TLE6: variants seen among roughly 807,000 people sequenced by gnomAD.
TLE6 encodes TLE family member 6, subcortical maternal complex member.
TLE6 carries 72 observed loss-of-function variants against 77.1 expected under a neutral mutation model. The ratio of observed to expected loss-of-function variants is 0.93; its 90% CI spans 0.77 to 1.14. The LOEUF (loss-of-function observed/expected upper bound fraction) is 1.14. Ranked by LOEUF, TLE6 falls within the 50% of genes most tolerant of loss-of-function variation. TLE6 has a pLI of 0.00. For missense variants in TLE6, 843 were observed against 747.6 expected, an observed-to-expected ratio of 1.13 and a Z score of -1.49; for synonymous variants, 366 against 287.3, an observed-to-expected ratio of 1.27 and a Z score of -2.77.
Position 2,995,047 on chromosome 19 carries a change from C to A in TLE6, c.*43C>A. ...ATCCCACTCCGGCTCCTCTTTTCAT[C>A]CCCCCCCTTCCCCCCCCCCAACAAG... On this transcript the variant is annotated 3_prime_UTR_variant, in exon 17 of 17. Coordinates refer to ENST00000246112, the MANE Select transcript of TLE6 (RefSeq NM_001143986.2). 2 of 977,100 alleles carry A rather than the reference C, an allele frequency of 2.0e-6. No individual in the cohort carries two copies. The highest frequency in any genetic ancestry group is 2.9e-6 in the Non-Finnish European group (2 of 696,408). The allele number at this position is 977,100 out of a possible 1,614,324, so 60.5% of individuals were successfully genotyped here.
Position 2,989,309 on chromosome 19 carries a change from T to G in TLE6, c.989T>G (p.Ile330Arg). ...AGGTTCCCTGAGAGCCACCTGCCTA[T>G]ACAGGTGAGGACGGCCTTGGTTTCC... ...EDRFPESHLP[I>R]QTPGAFLRTC... The change falls in exon 12 of 17, where the codon ATA becomes AGA. Residue 330 changes from isoleucine to arginine, a missense_variant. Ile to Arg is a moderately conservative substitution (Grantham distance 97, BLOSUM62 -3). Transcript: ENST00000246112. The G allele has an allele frequency of 6.2e-7, 1 of 1,613,164 alleles. No homozygotes were observed. Among genetic ancestry groups the G allele is most frequent in the Non-Finnish European group, 8.5e-7 (1 of 1,180,006 alleles).
rs545608571 is a variant in TLE6, at chr19:2,989,323, G to A, written c.993+10G>A. On this transcript the variant is annotated intron_variant, in intron 12 of 16. Transcript: ENST00000246112. ...CCACCTGCCTATACAGGTGAGGACG[G>A]CCTTGGTTTCCAGGGATGCAGGGCT... is the stretch of plus-strand genomic sequence containing the variant. The A allele has an allele frequency of 1.7e-5, 28 of 1,610,770 alleles. 1 individual carries two copies. The South Asian group carries it at 2.7e-4, about 16-fold the overall frequency.
chr19:2,989,860 C>G, intron 13 of TLE6, 75 bp downstream of exon 13: 1 of 1,565,100 alleles, frequency 6.4e-7, no homozygotes, highest in Non-Finnish European at 8.7e-7. Flanking sequence ...CTTACTGCTA[C>G]CACCTCTGCC....
intron 5 of TLE6, among the ~76,000 whole-genome samples, 199 bp from the exon 6 acceptor site, chr19:2,986,630 C>G (rs990872665): frequency 1.3e-5 from 2 of 152,092 alleles, no homozygotes; most frequent in African/African-American, 4.8e-5. Context: ...AGGAGAACCA[C>G]TTGAACCTGG....
chr19:2,985,834 G>A (rs1212387162), intron 5 of TLE6, among the ~76,000 whole-genome samples: 5 of 150,992 alleles, frequency 3.3e-5, no homozygotes, highest in African/African-American at 7.3e-5. Context: ...CCAGCACTTT[G>A]GGAGGCCAAG....
chr19:2,980,164 G>T lies in TLE6; in HGVS notation c.116G>T (p.Arg39Leu), dbSNP rs929618970. ...PTLNYQGILN[R>L]LKQFPRFSPH... ...CTGAATTATCAGGGCATTCTAAATC[G>T]GCTCAAGCAGTTCCCCAGGTGAGAG... Residue 39 changes from arginine to leucine, a missense_variant, in exon 3 of 17, where the codon CGG (arginine) becomes CTG (leucine). Arg to Leu is a moderately radical substitution (Grantham distance 102). Transcript: ENST00000246112. The T allele has an allele frequency of 1.9e-6, 3 of 1,547,782 alleles. No individual in the cohort carries two copies. Among genetic ancestry groups the T allele is most frequent in the African/African-American group, 2.7e-5 (2 of 72,910 alleles).
At position 2,980,164 on chromosome 19, in the gene TLE6, G is replaced by C; in HGVS notation, c.116G>C (p.Arg39Pro). 6.5e-7 allele frequency: 1 copy of C among 1,547,782 alleles called. No individual in the cohort carries two copies. The highest frequency in any genetic ancestry group is 8.7e-7 in the Non-Finnish European group (1 of 1,144,634). Reference sequence around the variant, plus strand: ...CTGAATTATCAGGGCATTCTAAATCGGCTCAAGCAGTTCCCCAGGTGAGAG... The same window carrying C: ...CTGAATTATCAGGGCATTCTAAATCCGCTCAAGCAGTTCCCCAGGTGAGAG... ...PTLNYQGILN[R>P]LKQFPRFSPH... is the part of the protein sequence containing the mutation. The change falls in exon 3 of 17, where the codon CGG becomes CCG. Residue 39 changes from arginine (R) to proline (P), a missense_variant. By Grantham distance (103) the Arg-to-Pro change is moderately radical. Transcript: ENST00000246112.
chr19:2,989,816 C>G (rs1448506406), intron 13 of TLE6, 31 bp downstream of exon 13: 1 of 1,607,050 alleles, frequency 6.2e-7, no homozygotes, highest in Non-Finnish European at 8.5e-7. Context: ...GGGGAAGCAT[C>G]CTGTGCCAGC....
At chr19:2,980,050 G>C (rs2088765467) in intron 2 of TLE6, 50 bp from the exon 3 acceptor site, 2 of 1,457,288 alleles carry the variant, frequency 1.4e-6, no homozygotes, top group African/African-American at 1.4e-5. Flanking sequence ...CGGGGGTCTT[G>C]GGTGTTGGAG....
At chr19:2,993,354 G>A (rs1456903900) in intron 14 of TLE6, 78 bp from the exon 15 acceptor site, 1 of 1,481,046 alleles carries the variant, frequency 6.8e-7, no homozygotes, top group African/African-American at 1.4e-5. Flanking sequence ...TCCAGGATAG[G>A]TCCCCAGGCT....
intron 16 of TLE6, among the ~76,000 whole-genome samples, chr19:2,994,502 T>C (rs1008690875): frequency 2.6e-5 from 4 of 151,978 alleles, no homozygotes; most frequent in East Asian, 1.9e-4. Flanking sequence ...CCCAGCTACT[T>C]GGGAGGCTGA....
rs544176278 is a variant in TLE6, at chr19:2,978,992, C to A, written c.51+708C>A. 2.6e-5 allele frequency among the ~76,000 whole-genome samples: 4 copies of A among 152,250 alleles called. No homozygotes were observed. In the East Asian group the frequency reaches 7.7e-4, roughly 29 times the overall value. On this transcript the variant is annotated intron_variant, in intron 2 of 16. Coordinates refer to ENST00000246112, the MANE Select transcript of TLE6 (RefSeq NM_001143986.2). ...TGTTTGAGACGGAGTCTCACACTCA[C>A]CTCGGCTGGAATGCAATGGCGCAAT...
intron 2 of TLE6, among the ~76,000 whole-genome samples, chr19:2,979,434 A>G (rs1025853962): frequency 1.3e-5 from 2 of 151,192 alleles, no homozygotes; most frequent in Non-Finnish European, 2.9e-5. Flanking sequence ...TTCAGTAGAG[A>G]CGGGGTTTTG....
rs776837519 is a variant in TLE6 at position 2,987,040 on chromosome 19, C to G, written c.343C>G (p.Leu115Val). ...GCCCCAGCAGGTGAAGGACAAGACC[C>G]TGCAGGAGTCGAGCTTTGAGGACAT... ...GTPQQVKDKT[L>V]QESSFEDIMA... is the part of the protein sequence containing the mutation. The change falls in exon 7 of 17, where the codon CTG becomes GTG. Residue 115 changes from leucine to valine, a missense_variant. By Grantham distance (32) the Leu-to-Val change is conservative. Transcript: ENST00000246112. The G allele has an allele frequency of 1.2e-5, 20 of 1,614,096 alleles. No homozygotes were observed. Among genetic ancestry groups the G allele is most frequent in the Non-Finnish European group, 1.6e-5 (19 of 1,179,958 alleles).
Position 2,987,247 on chromosome 19 carries a change from C to A in TLE6, c.541+9C>A, listed in dbSNP as rs2088934337. ...AAAGCCCAGAGACAGACGTGAGTGT[C>A]CCTGAGGGTGAGGGGGAAGGGGCAG... On this transcript the variant is annotated intron_variant, in intron 7 of 16. Transcript: ENST00000246112. The A allele has an allele frequency of 6.2e-7, 1 of 1,614,106 alleles. No homozygotes were observed. Among genetic ancestry groups the A allele is most frequent in the Non-Finnish European group, 8.5e-7 (1 of 1,179,970 alleles).
At chr19:2,988,832 G>A (rs943122486) in intron 11 of TLE6, 23 of 618,680 alleles carry the variant, frequency 3.7e-5, no homozygotes, top group Admixed American at 6.0e-5. Context: ...CTTCCTCCTG[G>A]GGCAAAGCAG....
chr19:2,980,317 TACCCAGCATGGAGA>T (rs1398344617), intron 3 of TLE6, 135 bp downstream of exon 3: 2 of 607,098 alleles, frequency 3.3e-6, no homozygotes, highest in Non-Finnish European at 5.6e-6. Flanking sequence ...GCCATGCAGA[TACCCAGCATGGAGA>T]ACCCGGCAAT....
At chr19:2,982,969 G>C (rs543162492) in intron 5 of TLE6, among the ~76,000 whole-genome samples, 2 of 152,188 alleles carry the variant, frequency 1.3e-5, no homozygotes, top group Non-Finnish European at 2.9e-5. Flanking sequence ...GGGGGCGCCC[G>C]GGCTCCCATC....
intron 5 of TLE6, 60 bp downstream of exon 5, chr19:2,982,249 A>T: frequency 6.5e-7 from 1 of 1,537,322 alleles, no homozygotes; most frequent in South Asian, 1.2e-5. Flanking sequence ...GAGAAAGCAC[A>T]GAGGGGGGCC....
Sources: allele counts gnomAD v4.1 joint callset (sites outside exome capture counted in the v4.1 genomes callset), GRCh38; gene constraint gnomAD v4.1.1; transcripts MANE v1.5; gene names NCBI Gene and HGNC (gene_info 2026-07-23, HGNC 2026-07-21).